Variants in SKIC2 observed in about 807,000 individuals in gnomAD.
SKIC2 encodes SKI2 subunit of superkiller complex.
At chr6:31,966,350 T>C in the SKIC2 span, among the ~76,000 whole-genome samples, 1 of 152,070 alleles carries the variant, frequency 6.6e-6, no homozygotes, top group Admixed American at 6.5e-5. This position sits in a 1 kb window ranked among gnomAD's most constrained non-coding sequence, Gnocchi z 5.9. Context: ...AAGCAGTCTG[T>C]CTGCCTCAGC....
At chr6:31,969,661 G>T in the SKIC2 span, 3 of 1,610,252 alleles carry the variant, frequency 1.9e-6, no homozygotes, top group Non-Finnish European at 2.5e-6. This position sits in a 1 kb window ranked among gnomAD's most constrained non-coding sequence, Gnocchi z 6.1. Flanking sequence ...TGGAGACAGC[G>T]GCTACCTTGC....
At chr6:31,967,193 G>C in the SKIC2 span, 3 of 1,607,734 alleles carry the variant, frequency 1.9e-6, no homozygotes, top group Non-Finnish European at 2.6e-6. The surrounding 1 kb of genome is among the most constrained non-coding windows in gnomAD (Gnocchi z 4.9). Flanking sequence ...AGAGAAGATC[G>C]TGTTACTCTA....
the SKIC2 span, chr6:31,964,349 G>C: frequency 1.2e-6 from 2 of 1,608,494 alleles, no homozygotes; most frequent in Non-Finnish European, 1.7e-6. This position sits in a 1 kb window ranked among gnomAD's most constrained non-coding sequence, Gnocchi z 5.0. Flanking sequence ...CAAGGTGCAT[G>C]TGGTGGTGGA....
At chr6:31,968,398 G>C in the SKIC2 span, 2 of 1,613,036 alleles carry the variant, frequency 1.2e-6, no homozygotes, top group Non-Finnish European at 1.7e-6. The surrounding 1 kb of genome is among the most constrained non-coding windows in gnomAD (Gnocchi z 6.1). Flanking sequence ...GGCCCACCCA[G>C]CCGGACCTCC....
the SKIC2 span, chr6:31,959,917 C>T: frequency 1.1e-6 from 1 of 900,862 alleles, no homozygotes; most frequent in Non-Finnish European, 1.8e-6. Context: ...ACACATCTGC[C>T]ATTTCTGATC....
chr6:31,961,147 G>T, the SKIC2 span: 6 of 1,606,626 alleles, frequency 3.7e-6, no homozygotes, highest in Non-Finnish European at 5.1e-6. Flanking sequence ...CTTCTCCTAA[G>T]GAACAGAGAT....
the SKIC2 span, chr6:31,963,535 C>T: frequency 1.9e-6 from 3 of 1,594,464 alleles, no homozygotes; most frequent in African/African-American, 1.4e-5. The surrounding 1 kb of genome is among the most constrained non-coding windows in gnomAD (Gnocchi z 5.3). Context: ...TTGCTGGACT[C>T]CCGAGGAGCC....
the SKIC2 span, chr6:31,964,433 C>A: frequency 2.1e-6 from 2 of 936,808 alleles, no homozygotes; most frequent in Non-Finnish European, 3.4e-6. The surrounding 1 kb of genome is among the most constrained non-coding windows in gnomAD (Gnocchi z 5.0). Flanking sequence ...TTTAGGCAGG[C>A]CAGTGCTGTG....
At chr6:31,967,738 A>T in the SKIC2 span, 1 of 1,613,002 alleles carries the variant, frequency 6.2e-7, no homozygotes, top group Non-Finnish European at 8.5e-7. The surrounding 1 kb of genome is among the most constrained non-coding windows in gnomAD (Gnocchi z 4.9). Context: ...CCACCAGCAG[A>T]GTATTCACAA....
the SKIC2 span, chr6:31,961,461 G>A: frequency 6.5e-7 from 1 of 1,532,738 alleles, no homozygotes; most frequent in Non-Finnish European, 8.8e-7. Context: ...TGGGTCTGAG[G>A]GGAAGAAAGG....
chr6:31,965,584 T>C, the SKIC2 span, among the ~76,000 whole-genome samples: 4 of 152,108 alleles, frequency 2.6e-5, no homozygotes, highest in African/African-American at 9.6e-5. The surrounding 1 kb of genome is among the most constrained non-coding windows in gnomAD (Gnocchi z 5.6). Flanking sequence ...AGTTAAGAAA[T>C]AGAAATAAGT....
At chr6:31,967,301 T>C in the SKIC2 span, 1 of 1,613,046 alleles carries the variant, frequency 6.2e-7, no homozygotes, top group Non-Finnish European at 8.5e-7. The surrounding 1 kb of genome is among the most constrained non-coding windows in gnomAD (Gnocchi z 4.9). Context: ...GTGAACGGGC[T>C]GAAGTCTCTC....
the SKIC2 span, chr6:31,965,976 G>C: frequency 3.7e-6 from 6 of 1,609,094 alleles, 1 homozygote; most frequent in Admixed American, 8.4e-5. This position sits in a 1 kb window ranked among gnomAD's most constrained non-coding sequence, Gnocchi z 5.6. Context: ...TGCAAGGGCC[G>C]AGTGCCCGAG....
At chr6:31,959,205 G>A in the SKIC2 span, 1 of 1,609,538 alleles carries the variant, frequency 6.2e-7, no homozygotes, top group Non-Finnish European at 8.5e-7. Flanking sequence ...GATGGAGACA[G>A]AGCGACTTGG....
chr6:31,968,050 G>A, the SKIC2 span: 12 of 1,612,934 alleles, frequency 7.4e-6, no homozygotes, highest in Admixed American at 2.0e-4. This position sits in a 1 kb window ranked among gnomAD's most constrained non-coding sequence, Gnocchi z 6.1. Flanking sequence ...AGATCTTGGA[G>A]GACTTCAGCA....
At chr6:31,964,238 C>T in the SKIC2 span, 2 of 1,612,806 alleles carry the variant, frequency 1.2e-6, no homozygotes, top group South Asian at 1.1e-5. The surrounding 1 kb of genome is among the most constrained non-coding windows in gnomAD (Gnocchi z 5.0). Context: ...AAAGGTCCTG[C>T]ACATGTCAGA....
chr6:31,960,728 G>A, the SKIC2 span: 1 of 1,564,170 alleles, frequency 6.4e-7, no homozygotes, highest in Non-Finnish European at 8.6e-7. Context: ...GGAGGAGATA[G>A]ACTTTGAGAA....
chr6:31,961,739 C>T, the SKIC2 span: 1 of 1,578,244 alleles, frequency 6.3e-7, no homozygotes, highest in Non-Finnish European at 8.6e-7. Flanking sequence ...CAGCCGACCC[C>T]TTGTCTCCTC....
the SKIC2 span, chr6:31,963,268 G>A: frequency 2.3e-6 from 2 of 869,386 alleles, no homozygotes; most frequent in Non-Finnish European, 3.5e-6. The surrounding 1 kb of genome is among the most constrained non-coding windows in gnomAD (Gnocchi z 5.3). Flanking sequence ...TTTGCATGTT[G>A]AAATGGGATG....
Sources: allele counts gnomAD v4.1 joint callset (sites outside exome capture counted in the v4.1 genomes callset), GRCh38; gene constraint gnomAD v4.1.1; non-coding constraint Gnocchi (gnomAD v3.1); transcripts MANE v1.5; gene names NCBI Gene and HGNC (gene_info 2026-07-23, HGNC 2026-07-21).